POM121: variants seen among roughly 807,000 people sequenced by gnomAD.
POM121 encodes POM121 transmembrane nucleoporin, also known as nuclear envelope pore membrane protein POM 121.
In POM121, 32 loss-of-function variants were observed where a neutral mutation model predicts 81.3. The ratio of observed to expected loss-of-function variants is 0.39; its 90% confidence interval spans 0.30 to 0.53. The LOEUF (loss-of-function observed/expected upper bound fraction) is 0.53, where lower values mean the gene tolerates loss of function less well. POM121 is among the 20% of genes least tolerant of loss of function. The probability of loss-of-function intolerance (pLI) is 0.66; values close to 1 mark genes in which losing one functional copy is unlikely to be tolerated. For synonymous variants in POM121, 514 were observed against 694.2 expected, an observed-to-expected ratio of 0.74 and a Z score of 4.08; for missense variants, 1,138 against 1,614.6, an observed-to-expected ratio of 0.70 and a Z score of 5.06.
At chr7:72,886,242 T>C (rs1386908107) in intron 1 of POM121, among the ~76,000 whole-genome samples, 16 of 152,128 alleles carry the variant, frequency 1.1e-4, no homozygotes, top group African/African-American at 3.6e-4. Context: ...GGTGCTATCT[T>C]GGCCCACTGC....
At chr7:72,948,639 G>A (rs369857971), downstream of POM121, 19 of 1,602,400 alleles carry the variant, frequency 1.2e-5, no homozygotes, top group South Asian at 3.3e-5. Context: ...ACCATCCTGC[G>A]CCTCCCAAGC....
chr7:72,902,760 C>T (rs1354525391), intron 3 of POM121, among the ~76,000 whole-genome samples: 19 of 152,138 alleles, frequency 1.2e-4, no homozygotes, highest in African/African-American at 4.3e-4. Flanking sequence ...GAAATCCTGG[C>T]CTCAGGTGAT....
chr7:72,950,564 C>T (rs1586205813), downstream of POM121: 1 of 242,758 alleles, frequency 4.1e-6, no homozygotes, highest in East Asian at 1.1e-4. Context: ...GGTTACTTTA[C>T]AGGGGGGTGA....
rs1187583940 is a variant in POM121, at chr7:72,910,360, G to A, written c.-215-3405G>A. Among the ~76,000 whole-genome samples, 11 of 152,024 alleles carry A rather than the reference G, an allele frequency of 7.2e-5. No individual in the cohort carries two copies. In the East Asian group the frequency reaches 9.7e-4, roughly 13 times the overall value. ...ATTAAACAGAACTTGTCTTTAATCC[G>A]AATGTAACAGAAATGTACACGACGT... On this transcript the variant is annotated intron_variant, in intron 3 of 15. Coordinates refer to the POM121 transcript ENST00000395270.
At chr7:72,933,226 T>A (rs1350483139) in intron 5 of POM121, among the ~76,000 whole-genome samples, 3 of 152,086 alleles carry the variant, frequency 2.0e-5, no homozygotes, top group Admixed American at 2.0e-4. Context: ...TGGTCGTGTG[T>A]GCCTGTAATC....
Position 72,942,659 on chromosome 7 carries a change from C to G in POM121, c.2666C>G (p.Ala889Gly). 1 of 1,136,750 alleles carries G rather than the reference C, an allele frequency of 8.8e-7. No individual in the cohort carries two copies. The highest frequency in any genetic ancestry group is 1.2e-6 in the Non-Finnish European group (1 of 835,374). 70.4% of individuals were successfully genotyped at this position (1,136,750 alleles called of 1,614,324 possible). Residue 889 changes from alanine (A) to glycine (G), a missense_variant, in exon 11 of 13, where the codon GCC becomes GGC. Ala to Gly is a moderately conservative substitution (Grantham distance 60, BLOSUM62 0). Coordinates refer to ENST00000434423, the MANE Select transcript of POM121 (RefSeq NM_001387691.1). ...GSIFQFGKPPALPTTTTVTTF... is the reference protein window; with the variant it reads ...GSIFQFGKPPGLPTTTTVTTF... ...ATATTCCAGTTTGGCAAACCTCCTG[C>G]CTTGCCCACAACCACCACAGTCACC...
At chr7:72,922,074 AT>A (rs1410405913), upstream of POM121, among the ~76,000 whole-genome samples, 1 of 151,970 alleles carries the variant, frequency 6.6e-6, no homozygotes, top group Non-Finnish European at 1.5e-5. Flanking sequence ...TGTTAAATTA[AT>A]TTTTCTAGTG....
Position 72,938,830 on chromosome 7 carries a change from C to G in POM121, c.1367+149C>G, listed in dbSNP as rs539370241. 5 of 927,110 alleles carry G rather than the reference C, an allele frequency of 5.4e-6. No individual in the cohort carries two copies. The Admixed American group carries it at 1.1e-4, about 21-fold the overall frequency. The allele number at this position is 927,110 out of a possible 1,614,324, so 57.4% of individuals were successfully genotyped here. A position where few individuals can be genotyped will look rare whatever the true frequency, so the allele number is the denominator to read the frequency against. ...GTCCCTGAGAGGTACAATGCAGTAC[C>G]CACCCGAAGTGCTGTCATCCCTACA... On this transcript the variant is annotated intron_variant, in intron 6 of 12. Transcript: ENST00000434423.
intron 1 of POM121, among the ~76,000 whole-genome samples, chr7:72,886,998 A>G (rs1790787006): frequency 6.6e-6 from 1 of 151,906 alleles, no homozygotes; most frequent in Non-Finnish European, 1.5e-5. Context: ...CCTCCCCTCC[A>G]TTGATTCTTG....
In POM121 at chr7:72,943,008, T is replaced by C. The variant is rs782363646; in HGVS notation, c.3015T>C (p.Ala1005=). The change falls in exon 11 of 13, where the codon GCT becomes GCC. Residue 1005 remains alanine (A), a synonymous_variant. Transcript: ENST00000434423. ...TTGGAAACTCTGCAGCCCCGGCTGC[T>C]GCACCCACACCTGCACCTCCGTCCA... ...FTFGNSAAPA[A]APTPAPPSMI... is the part of the protein sequence containing the mutation. 6.2e-7 allele frequency: 1 copy of C among 1,613,626 alleles called. No homozygotes were observed. Among genetic ancestry groups the C allele is most frequent in the South Asian group, 1.1e-5 (1 of 91,076 alleles).
At chr7:72,950,241 CT>C (rs1339694357), downstream of POM121, 1 of 1,586,818 alleles carries the variant, frequency 6.3e-7, no homozygotes, top group Non-Finnish European at 8.6e-7. Flanking sequence ...GAATTTCTCC[CT>C]GCCAGGCCCT....
chr7:72,929,753 T>A (rs1795830931), intron 4 of POM121, among the ~76,000 whole-genome samples, 187 bp from the exon 5 acceptor site: 1 of 152,246 alleles, frequency 6.6e-6, no homozygotes, highest in South Asian at 2.1e-4. Flanking sequence ...AATCATACAT[T>A]TAAGTTTTAA....
At position 72,948,043 on chromosome 7, in the gene POM121, T is replaced by TGTAAG. The variant is rs1797810081; in HGVS notation, c.*1813_*1817dup. On this transcript the variant is annotated 3_prime_UTR_variant, in exon 13 of 13. Transcript: ENST00000434423. ...CAATCAAGCTTCTACCTGTACCTTATGTAAGGTAGACCCTCCTAGTGTCAG... is the reference window on the plus strand; with the variant it reads ...CAATCAAGCTTCTACCTGTACCTTATGTAAGGTAAGGTAGACCCTCCTAGTGTCAG... 8.1e-7 allele frequency: 1 copy of TGTAAG among 1,228,650 alleles called. No homozygotes were observed. The highest frequency in any genetic ancestry group is 3.7e-5 in the Admixed American group (1 of 26,846). 76.1% of individuals were successfully genotyped at this position (1,228,650 alleles called of 1,614,324 possible). A position where few individuals can be genotyped will look rare whatever the true frequency, so the allele number is the denominator to read the frequency against.
At chr7:72,912,993 C>T (rs1167369859) in intron 3 of POM121, among the ~76,000 whole-genome samples, 1 of 152,198 alleles carries the variant, frequency 6.6e-6, no homozygotes, top group Non-Finnish European at 1.5e-5. Flanking sequence ...CAGGTCCCTA[C>T]TTAACTCTAA....
chr7:72,946,026 A>C (rs1345249763), intron 12 of POM121, 111 bp from the exon 13 acceptor site: 1 of 1,483,960 alleles, frequency 6.7e-7, no homozygotes, highest in Non-Finnish European at 9.0e-7. Flanking sequence ...GGAAAGCCCT[A>C]TTGAGGCACC....
chr7:72,882,672 G>A (rs1364850878), intron 1 of POM121, among the ~76,000 whole-genome samples: 1 of 152,092 alleles, frequency 6.6e-6, no homozygotes, highest in Non-Finnish European at 1.5e-5. Flanking sequence ...ATCATGGGGG[G>A]AATGAATGAC....
At chr7:72,883,803 T>G (rs1259733773) in intron 1 of POM121, among the ~76,000 whole-genome samples, 26 of 152,156 alleles carry the variant, frequency 1.7e-4, no homozygotes, top group Non-Finnish European at 3.8e-4. Context: ...TAAGAACTAT[T>G]GACTGTTGAT....
intron 3 of POM121, among the ~76,000 whole-genome samples, chr7:72,893,411 G>A (rs1283770271): frequency 4.6e-5 from 7 of 151,938 alleles, no homozygotes; most frequent in East Asian, 2.0e-4. Flanking sequence ...GTGAAACCCC[G>A]TCTCTACTAA....
At chr7:72,930,837 G>GA (rs1169105131) in intron 5 of POM121, among the ~76,000 whole-genome samples, 1 of 151,858 alleles carries the variant, frequency 6.6e-6, no homozygotes, top group Admixed American at 6.6e-5. Flanking sequence ...CAAAGAAAAG[G>GA]AAAAAAATGC....
Sources: gnomAD v4.1 joint callset for allele counts (sites outside exome capture counted in the v4.1 genomes callset) on GRCh38, gnomAD v4.1.1 for gene constraint, MANE v1.5 for transcripts, NCBI Gene and HGNC (gene_info 2026-07-23, HGNC 2026-07-21) for gene names.